The following FBN1 variants were observed in gnomAD, a reference collection of about 807,000 sequenced individuals.
FBN1 encodes the protein fibrillin 1.
In FBN1, 29 loss-of-function variants were observed where a neutral mutation model predicts 365.1. The observed-to-expected ratio is 0.08, with a 90% CI of 0.06 to 0.11. The LOEUF (loss-of-function observed/expected upper bound fraction) is 0.11, where lower values mean the gene tolerates loss of function less well. FBN1 is among the 10% of genes least tolerant of loss of function. The probability of loss-of-function intolerance (pLI) is 1.00; values close to 1 mark genes in which losing one functional copy is unlikely to be tolerated. For missense variants in FBN1, 2,476 were observed against 3,703.2 expected, an observed-to-expected ratio of 0.67 and a Z score of 8.60; for synonymous variants, 1,210 against 1,270.5, an observed-to-expected ratio of 0.95 and a Z score of 1.01.
chr15:48,487,222 C>G (rs371776805), intron 28 of FBN1, 22 bp from the exon 29 acceptor site: 19 of 1,613,990 alleles, frequency 1.2e-5, no homozygotes, highest in Admixed American at 6.7e-5. Flanking sequence ...ATAAGAAGAA[C>G]AAACACCCAA....
chr15:48,530,821 C>T (rs1267334806), intron 8 of FBN1, among the ~76,000 whole-genome samples: 1 of 152,148 alleles, frequency 6.6e-6, no homozygotes, highest in African/African-American at 2.4e-5. Flanking sequence ...TTAAAAGCTA[C>T]ACTTTTAAAA....
chr15:48,603,659 G>A (rs903625185), intron 4 of FBN1, among the ~76,000 whole-genome samples: 3 of 152,122 alleles, frequency 2.0e-5, no homozygotes, highest in Admixed American at 6.5e-5. Flanking sequence ...TGAAACCTAG[G>A]GGTTCCTCCT....
At position 48,640,938 on chromosome 15, in the gene FBN1, C is replaced by T. The variant is rs541338802; in HGVS notation, c.164+3668G>A. On this transcript the variant is annotated intron_variant, in intron 2 of 65. Coordinates refer to ENST00000316623, the MANE Select transcript of FBN1 (RefSeq NM_000138.5). ...GTCTCCCACACTTTTTGCCTAATCA[C>T]CATTTAGAGTTTAGCTGAGAAAAAT... 9 of 151,702 alleles carry T rather than the reference C, an allele frequency of 5.9e-5. No homozygotes were observed. The East Asian group carries it at 1.7e-3, about 29-fold the overall frequency. The allele number at this position is 151,702 out of a possible 1,614,324, so 9.4% of individuals were successfully genotyped here.
rs555471853 is a variant in FBN1, at chr15:48,458,582, C to T, written c.5296+1664G>A. Among the ~76,000 whole-genome samples, 12 of 152,190 alleles carry T rather than the reference C, an allele frequency of 7.9e-5. No individual in the cohort carries two copies. In the South Asian group the frequency reaches 1.2e-3, roughly 16 times the overall value. Reference sequence around the variant, plus strand: ...GAACACGAAACATCATATTCACATTCGTTTTAAATATAAGTGATATATTAT... The same window carrying T: ...GAACACGAAACATCATATTCACATTTGTTTTAAATATAAGTGATATATTAT... On this transcript the variant is annotated intron_variant, in intron 43 of 65. Coordinates refer to ENST00000316623, the MANE Select transcript of FBN1 (RefSeq NM_000138.5).
chr15:48,581,012 G>C (rs990458291), intron 6 of FBN1, among the ~76,000 whole-genome samples: 6 of 152,068 alleles, frequency 3.9e-5, no homozygotes, highest in Admixed American at 2.0e-4. Flanking sequence ...ACTGAGGCTG[G>C]GTGAGCTCAG....
At chr15:48,441,904 C>CAAA in intron 49 of FBN1, 58 bp from the exon 50 acceptor site, 1 of 1,591,448 alleles carries the variant, frequency 6.3e-7, no homozygotes, top group East Asian at 2.2e-5. Context: ...TCATCAGGTA[C>CAAA]CAAACACACA....
intron 6 of FBN1, among the ~76,000 whole-genome samples, chr15:48,545,673 C>A (rs2044088501): frequency 6.6e-6 from 1 of 152,124 alleles, no homozygotes; most frequent in South Asian, 2.1e-4. Flanking sequence ...CCAAACTGTA[C>A]ACAAAGAAGT....
intron 51 of FBN1, 39 bp downstream of exon 51, chr15:48,437,729 C>G: frequency 1.2e-6 from 2 of 1,610,014 alleles, no homozygotes; most frequent in Non-Finnish European, 8.5e-7. Flanking sequence ...CAGTCTGCAC[C>G]CTGCATGGCC....
At chr15:48,596,100 T>C (rs2044513373) in intron 6 of FBN1, among the ~76,000 whole-genome samples, 183 bp downstream of exon 6, 1 of 152,214 alleles carries the variant, frequency 6.6e-6, no homozygotes, top group Non-Finnish European at 1.5e-5. Flanking sequence ...CATTGCCGAA[T>C]ATCATGCATA....
At chr15:48,491,228 G>A (rs373595021) in intron 24 of FBN1, among the ~76,000 whole-genome samples, 22 of 152,044 alleles carry the variant, frequency 1.4e-4, no homozygotes, top group African/African-American at 4.8e-4. Flanking sequence ...TTGAATTCCC[G>A]GTTCCATTCC....
intron 23 of FBN1, 92 bp from the exon 24 acceptor site, chr15:48,492,678 G>T: frequency 9.1e-7 from 1 of 1,093,992 alleles, no homozygotes; most frequent in Non-Finnish European, 1.3e-6. Flanking sequence ...TCCCCATTTT[G>T]AACCTGGTAA....
chr15:48,462,977 G>T, intron 42 of FBN1, 105 bp downstream of exon 42: 1 of 1,154,698 alleles, frequency 8.7e-7, no homozygotes, highest in Non-Finnish European at 1.3e-6. Flanking sequence ...TCCCTGTAAA[G>T]ATAAACAATG....
chr15:48,510,592 T>C (rs934974479), intron 13 of FBN1, among the ~76,000 whole-genome samples: 3 of 152,284 alleles, frequency 2.0e-5, no homozygotes, highest in African/African-American at 7.2e-5. Context: ...TTTTAAACAA[T>C]CACCTTAATT....
At chr15:48,442,397 G>A (rs999033298) in intron 49 of FBN1, among the ~76,000 whole-genome samples, 3 of 152,118 alleles carry the variant, frequency 2.0e-5, no homozygotes, top group African/African-American at 7.2e-5. Flanking sequence ...ATCCTATGAA[G>A]TGCAAACTAA....
chr15:48,640,050 AAG>A (rs1890171700), intron 2 of FBN1, among the ~76,000 whole-genome samples: 1 of 152,186 alleles, frequency 6.6e-6, no homozygotes, highest in Non-Finnish European at 1.5e-5. Flanking sequence ...TATGCTACAC[AAG>A]ACGATAAAGG....
At chr15:48,411,465 C>T in intron 65 of FBN1, 86 bp from the exon 66 acceptor site, 3 of 1,263,848 alleles carry the variant, frequency 2.4e-6, no homozygotes, top group South Asian at 1.2e-5. Context: ...TCAAATTTCA[C>T]ACTAATACAA....
intron 50 of FBN1, 148 bp from the exon 51 acceptor site, chr15:48,438,065 G>A: frequency 2.4e-6 from 2 of 849,950 alleles, no homozygotes; most frequent in Non-Finnish European, 4.0e-6. Context: ...TGGTAACTGA[G>A]CTGAGATTGT....
At chr15:48,445,626 C>T in intron 47 of FBN1, 122 bp from the exon 48 acceptor site, 1 of 1,062,308 alleles carries the variant, frequency 9.4e-7, no homozygotes, top group Non-Finnish European at 1.4e-6. Context: ...GCTGGCTTAG[C>T]CAAACAAGAA....
chr15:48,451,654 A>C (rs1392988883), intron 45 of FBN1, among the ~76,000 whole-genome samples: 4 of 151,994 alleles, frequency 2.6e-5, no homozygotes, highest in East Asian at 1.9e-4. Context: ...TATCCAGGAA[A>C]CCCCCCGTGA....
Sources: gnomAD v4.1 joint callset for allele counts (sites outside exome capture counted in the v4.1 genomes callset) on GRCh38, gnomAD v4.1.1 for gene constraint, MANE v1.5 for transcripts, NCBI Gene and HGNC (gene_info 2026-07-23, HGNC 2026-07-21) for gene names.